The following ARK2C variants were observed in gnomAD, a reference collection of about 807,000 sequenced individuals.
ARK2C encodes the protein arkadia (RNF111) C-terminal like ring finger ubiquitin ligase 2C.
the ARK2C span, among the ~76,000 whole-genome samples, chr18:46,372,880 G>T: frequency 6.6e-6 from 1 of 152,202 alleles, no homozygotes; most frequent in Non-Finnish European, 1.5e-5. Context: ...CGCGGCACAG[G>T]AACAATGAGC....
chr18:46,436,894 C>A, the ARK2C span, among the ~76,000 whole-genome samples: 16 of 152,312 alleles, frequency 1.1e-4, no homozygotes, highest in Non-Finnish European at 2.2e-4. Context: ...GTACTCAGGG[C>A]CCTTGCATAT....
the ARK2C span, among the ~76,000 whole-genome samples, chr18:46,365,447 G>GT: frequency 1.3e-5 from 2 of 152,114 alleles, no homozygotes; most frequent in Non-Finnish European, 2.9e-5. Context: ...TGATATGCAG[G>GT]GCACCAAGTC....
chr18:46,338,701 A>G, the ARK2C span, among the ~76,000 whole-genome samples: 2 of 152,182 alleles, frequency 1.3e-5, no homozygotes, highest in Non-Finnish European at 2.9e-5. Flanking sequence ...CCATTTGTCA[A>G]TTACACCTAT....
the ARK2C span, among the ~76,000 whole-genome samples, chr18:46,413,530 G>C: frequency 1.3e-5 from 2 of 152,128 alleles, no homozygotes; most frequent in Non-Finnish European, 2.9e-5. Context: ...CTACGGGATA[G>C]CAAGTTGTTT....
the ARK2C span, among the ~76,000 whole-genome samples, chr18:46,448,988 G>A: frequency 6.6e-6 from 1 of 152,088 alleles, no homozygotes; most frequent in Admixed American, 6.5e-5. Flanking sequence ...AGCTTTGAGG[G>A]TCCATGCTTT....
At chr18:46,396,884 G>T in the ARK2C span, among the ~76,000 whole-genome samples, 1 of 152,204 alleles carries the variant, frequency 6.6e-6, no homozygotes, top group South Asian at 2.1e-4. Flanking sequence ...TGGATTTTCC[G>T]CTAATTGTCC....
At chr18:46,442,903 C>G in the ARK2C span, among the ~76,000 whole-genome samples, 1 of 152,166 alleles carries the variant, frequency 6.6e-6, no homozygotes, top group Non-Finnish European at 1.5e-5. Flanking sequence ...CCTTCCTTAT[C>G]CTTGGTAATA....
chr18:46,428,177 G>A, the ARK2C span, among the ~76,000 whole-genome samples: 1 of 152,126 alleles, frequency 6.6e-6, no homozygotes. Flanking sequence ...TTGGGAGGCC[G>A]AGGCTGGCGG....
chr18:46,429,951 C>T, the ARK2C span, among the ~76,000 whole-genome samples: 1 of 152,058 alleles, frequency 6.6e-6, no homozygotes, highest in Non-Finnish European at 1.5e-5. Flanking sequence ...TCAGCAGTCC[C>T]ATTGTTTCCA....
chr18:46,441,890 C>T, the ARK2C span, among the ~76,000 whole-genome samples: 1 of 137,580 alleles, frequency 7.3e-6, no homozygotes, highest in African/African-American at 2.8e-5. Context: ...AGAGGCCGGG[C>T]GCGGTGGCTC....
chr18:46,385,019 C>A, the ARK2C span, among the ~76,000 whole-genome samples: 1 of 152,206 alleles, frequency 6.6e-6, no homozygotes, highest in African/African-American at 2.4e-5. Flanking sequence ...GTTCCCTCCC[C>A]CTCAAAGATT....
chr18:46,461,284 A>C, the ARK2C span: 1 of 152,252 alleles, frequency 6.6e-6, no homozygotes, highest in Admixed American at 6.5e-5. Context: ...AGATTCAAGT[A>C]GAATGTGACA....
the ARK2C span, among the ~76,000 whole-genome samples, chr18:46,411,706 C>T: frequency 6.6e-6 from 1 of 152,106 alleles, no homozygotes; most frequent in Non-Finnish European, 1.5e-5. Flanking sequence ...GGGGTGAGGC[C>T]CTACTGAAGG....
At chr18:46,358,846 T>A in the ARK2C span, among the ~76,000 whole-genome samples, 1 of 152,210 alleles carries the variant, frequency 6.6e-6, no homozygotes, top group Non-Finnish European at 1.5e-5. Flanking sequence ...GAGGAGGGCC[T>A]GCTCAGAGCA....
the ARK2C span, among the ~76,000 whole-genome samples, chr18:46,439,852 G>A: frequency 6.6e-6 from 1 of 152,062 alleles, no homozygotes; most frequent in Non-Finnish European, 1.5e-5. Flanking sequence ...GTTTTTTTGA[G>A]ACGGAGTCTC....
At chr18:46,392,056 C>T in the ARK2C span, among the ~76,000 whole-genome samples, 1 of 151,902 alleles carries the variant, frequency 6.6e-6, no homozygotes, top group African/African-American at 2.4e-5. Context: ...ACAACACACA[C>T]ACCACACACA....
At chr18:46,437,382 GTAATT>G in the ARK2C span, among the ~76,000 whole-genome samples, 1 of 152,128 alleles carries the variant, frequency 6.6e-6, no homozygotes, top group African/African-American at 2.4e-5. Flanking sequence ...AGGCAGCCTG[GTAATT>G]GGATGGCAGG....
the ARK2C span, among the ~76,000 whole-genome samples, chr18:46,420,463 G>A: frequency 5.4e-4 from 83 of 152,294 alleles, no homozygotes; most frequent in Non-Finnish European, 7.8e-4. Context: ...GGGCCCCATC[G>A]AAGTGGCTTT....
At chr18:46,435,396 G>A in the ARK2C span, 1 of 1,610,190 alleles carries the variant, frequency 6.2e-7, no homozygotes, top group Non-Finnish European at 8.5e-7. Flanking sequence ...GGCACTGACT[G>A]GTGAGTCTTC....
Sources: allele counts gnomAD v4.1 joint callset (sites outside exome capture counted in the v4.1 genomes callset), GRCh38; gene constraint gnomAD v4.1.1; transcripts MANE v1.5; gene names NCBI Gene and HGNC (gene_info 2026-07-23, HGNC 2026-07-21).